NXPE2: variants seen among roughly 807,000 people sequenced by gnomAD.
NXPE2 encodes NXPE family member 2.
NXPE2 carries 34 observed loss-of-function variants against 34.4 expected under a neutral mutation model. The ratio of observed to expected loss-of-function variants is 0.99; its 90% CI spans 0.75 to 1.31. The LOEUF is 1.31. NXPE2 is among the 40% of genes most tolerant of loss of function. The pLI is 0.00. For missense variants in NXPE2, 649 were observed against 672.5 expected (o/e 0.97, Z 0.39); for synonymous variants, 235 against 231.3 (o/e 1.02, Z -0.15).
At chr11:114,701,484 C>T (rs1951363988) in intron 3 of NXPE2, among the ~76,000 whole-genome samples, 1 of 152,126 alleles carries the variant, frequency 6.6e-6, no homozygotes, top group Non-Finnish European at 1.5e-5. Flanking sequence ...GCTTTATTTC[C>T]AAATAGACAT....
chr11:114,605,936 C>T, the NXPE2 span, among the ~76,000 whole-genome samples: 3 of 151,630 alleles, frequency 2.0e-5, no homozygotes, highest in African/African-American at 7.3e-5. Flanking sequence ...TGGGAAACCA[C>T]TGTTACCTGG....
chr11:114,495,114 C>T, the NXPE2 span, among the ~76,000 whole-genome samples: 1 of 152,168 alleles, frequency 6.6e-6, no homozygotes, highest in Admixed American at 6.5e-5. Context: ...GGAGGAGTGA[C>T]ACAAGCACCT....
At chr11:114,789,874 G>T in the NXPE2 span, among the ~76,000 whole-genome samples, 5 of 152,266 alleles carry the variant, frequency 3.3e-5, no homozygotes, top group African/African-American at 1.2e-4. Flanking sequence ...TCAAAAGCAG[G>T]GGTTGCATCT....
intron 2 of NXPE2, among the ~76,000 whole-genome samples, chr11:114,685,124 G>T (rs1951022502): frequency 6.6e-6 from 1 of 152,052 alleles, no homozygotes; most frequent in Admixed American, 6.5e-5. Context: ...AGGGTCTTCT[G>T]AAAAAATATA....
the NXPE2 span, among the ~76,000 whole-genome samples, chr11:114,717,856 T>G: frequency 6.6e-6 from 1 of 152,084 alleles, no homozygotes; most frequent in Non-Finnish European, 1.5e-5. Context: ...TTACCAGAAG[T>G]GTTTGGGCCC....
At chr11:114,620,173 T>G in the NXPE2 span, among the ~76,000 whole-genome samples, 2 of 152,034 alleles carry the variant, frequency 1.3e-5, no homozygotes, top group African/African-American at 4.8e-5. Context: ...TATTGCCTCA[T>G]GGGTAACCAC....
chr11:114,783,391 A>G, the NXPE2 span, among the ~76,000 whole-genome samples: 1 of 152,190 alleles, frequency 6.6e-6, no homozygotes, highest in African/African-American at 2.4e-5. Context: ...ATGAGCCCCA[A>G]ATAGCTCCCT....
the NXPE2 span, among the ~76,000 whole-genome samples, chr11:114,739,209 C>A: frequency 3.9e-5 from 6 of 152,078 alleles, no homozygotes; most frequent in African/African-American, 1.2e-4. Context: ...TGGTTGCAAC[C>A]TCTTAATTAG....
the NXPE2 span, among the ~76,000 whole-genome samples, chr11:114,585,673 A>G: frequency 6.6e-6 from 1 of 152,118 alleles, no homozygotes; most frequent in Non-Finnish European, 1.5e-5. Flanking sequence ...TGAAACAGGA[A>G]CTAGAAAGAA....
the NXPE2 span, among the ~76,000 whole-genome samples, chr11:114,493,624 A>G: frequency 6.6e-6 from 1 of 152,142 alleles, no homozygotes; most frequent in Admixed American, 6.6e-5. Context: ...ACTACACTTT[A>G]TCTTCTTGCT....
At chr11:114,759,345 T>C in the NXPE2 span, among the ~76,000 whole-genome samples, 65,106 of 152,142 alleles carry the variant, frequency 0.43, 15,552 homozygotes, top group South Asian at 0.6. Context: ...AGCTGTTTCA[T>C]GTCTCTGTAC....
At chr11:114,724,675 G>C in the NXPE2 span, among the ~76,000 whole-genome samples, 264 of 151,634 alleles carry the variant, frequency 1.7e-3, no homozygotes, top group Middle Eastern at 3.4e-3. Context: ...CACACCCCCC[G>C]CCACCACCAA....
the NXPE2 span, among the ~76,000 whole-genome samples, chr11:114,797,561 A>C: frequency 6.6e-6 from 1 of 152,140 alleles, no homozygotes. Context: ...CCTCAGGCTC[A>C]GCACCCTTTC....
the NXPE2 span, chr11:114,582,516 C>T: frequency 6.2e-7 from 1 of 1,614,172 alleles, no homozygotes; most frequent in Non-Finnish European, 8.5e-7. Context: ...GAAGATCACC[C>T]TGTCATAGCC....
chr11:114,575,157 A>G, the NXPE2 span, among the ~76,000 whole-genome samples: 1 of 152,118 alleles, frequency 6.6e-6, no homozygotes, highest in African/African-American at 2.4e-5. Context: ...TAGGATTAAA[A>G]CCCTCAGCAA....
chr11:114,708,936 T>G (rs566832042), downstream of NXPE2, among the ~76,000 whole-genome samples: 8 of 152,336 alleles, frequency 5.3e-5, no homozygotes, highest in East Asian at 1.5e-3. Context: ...TCACATGCAC[T>G]GAAGTTTGTC....
the NXPE2 span, among the ~76,000 whole-genome samples, chr11:114,564,199 A>G: frequency 6.6e-6 from 1 of 152,238 alleles, no homozygotes; most frequent in Non-Finnish European, 1.5e-5. Flanking sequence ...GAAGTAACTC[A>G]GGAATGGAAA....
At chr11:114,662,733 C>T in the NXPE2 span, among the ~76,000 whole-genome samples, 1 of 152,066 alleles carries the variant, frequency 6.6e-6, no homozygotes, top group African/African-American at 2.4e-5. Context: ...GGGTATGGGT[C>T]AGAGTTGTGA....
the NXPE2 span, chr11:114,522,401 G>C: frequency 6.2e-7 from 1 of 1,613,918 alleles, no homozygotes; most frequent in East Asian, 2.2e-5. Context: ...AGTGACGAAG[G>C]GATAGCTATG....
Sources: gnomAD v4.1 joint callset for allele counts (sites outside exome capture counted in the v4.1 genomes callset) on GRCh38, gnomAD v4.1.1 for gene constraint, MANE v1.5 for transcripts, NCBI Gene and HGNC (gene_info 2026-07-23, HGNC 2026-07-21) for gene names.